Variants in TPD52L1 observed in about 807,000 individuals in gnomAD.
The protein encoded by TPD52L1 is TPD52 like 1.
In TPD52L1, 18 loss-of-function variants were observed where a neutral mutation model predicts 28.7. The ratio of observed to expected loss-of-function variants is 0.63; its 90% CI spans 0.43 to 0.93. The LOEUF is 0.93. Among genes scored for constraint, TPD52L1 ranks in the 40% least tolerant of loss-of-function variants. The pLI is 0.00. For synonymous variants in TPD52L1, 75 were observed against 88.8 expected (o/e 0.84, Z 0.88); for missense variants, 203 against 254.8 (o/e 0.80, Z 1.39).
intron 1 of TPD52L1, among the ~76,000 whole-genome samples, chr6:125,196,153 T>C (rs1793428498): frequency 6.6e-6 from 1 of 152,158 alleles, no homozygotes; most frequent in Admixed American, 6.5e-5. Flanking sequence ...GCCCTTAAAT[T>C]TGGCTCTAAA....
At chr6:125,195,687 G>C (rs146634548) in intron 1 of TPD52L1, among the ~76,000 whole-genome samples, 153 of 152,272 alleles carry the variant, frequency 1.0e-3, no homozygotes, top group Admixed American at 2.4e-3. Flanking sequence ...TAGGGCATCT[G>C]ACCTAGCTGT....
In TPD52L1 at chr6:125,156,463, C is replaced by CAAAAAAAAAAAAAAAAAAAA. The variant is rs758623258; in HGVS notation, c.19+2510_19+2511insAAAAAAAAAAAAAAAAAAAA. 2.1e-4 allele frequency among the ~76,000 whole-genome samples: 8 copies of CAAAAAAAAAAAAAAAAAAAA among 37,214 alleles called. No homozygotes were observed. The East Asian group carries it at 2.4e-3, about 11-fold the overall frequency. The allele number at this position is 37,214 out of a possible 152,430, so 24.4% of individuals were successfully genotyped here. A position where few individuals can be genotyped will look rare whatever the true frequency, so the allele number is the denominator to read the frequency against. On this transcript the variant is annotated intron_variant, in intron 1 of 6. Coordinates refer to ENST00000534000, the MANE Select transcript of TPD52L1 (RefSeq NM_003287.4). ...TCTGGACAAGAGTGAGACCTTGTCT[C>CAAAAAAAAAAAAAAAAAAAA]AAAAAAAAAAAAAAAAAGAGAGAGA... is the stretch of plus-strand genomic sequence containing the variant.
At chr6:125,254,204 AG>A (rs1247286397) in intron 5 of TPD52L1, among the ~76,000 whole-genome samples, 1 of 152,268 alleles carries the variant, frequency 6.6e-6, no homozygotes, top group Non-Finnish European at 1.5e-5. Flanking sequence ...GGATATCATT[AG>A]GATTTTTAAG....
intron 1 of TPD52L1, among the ~76,000 whole-genome samples, chr6:125,184,843 GA>G (rs990220687): frequency 1.1e-3 from 160 of 148,082 alleles, no homozygotes; most frequent in African/African-American, 3.7e-3. Flanking sequence ...TATAAAATAA[GA>G]AAAAAAAATG....
At chr6:125,211,790 T>C (rs1220899093) in intron 1 of TPD52L1, among the ~76,000 whole-genome samples, 5 of 152,206 alleles carry the variant, frequency 3.3e-5, no homozygotes, top group African/African-American at 1.2e-4. Context: ...AAAACACACT[T>C]AAGAGACTTT....
At chr6:125,242,741 A>G (rs1033610443) in intron 3 of TPD52L1, among the ~76,000 whole-genome samples, 3 of 152,024 alleles carry the variant, frequency 2.0e-5, no homozygotes, top group Non-Finnish European at 4.4e-5. Flanking sequence ...TTTTTAATCC[A>G]TTTTGCCATC....
At chr6:125,187,054 T>C (rs905975246) in intron 1 of TPD52L1, among the ~76,000 whole-genome samples, 4 of 152,174 alleles carry the variant, frequency 2.6e-5, no homozygotes, top group Admixed American at 6.5e-5. Flanking sequence ...AAGGATTGCA[T>C]TGCATATACC....
intron 1 of TPD52L1, among the ~76,000 whole-genome samples, chr6:125,164,242 C>A (rs1000652667): frequency 6.6e-6 from 1 of 152,150 alleles, no homozygotes; most frequent in African/African-American, 2.4e-5. Context: ...CAGTTCATTT[C>A]ATATGTGGGC....
intron 1 of TPD52L1, among the ~76,000 whole-genome samples, chr6:125,205,715 T>G (rs903672230): frequency 3.9e-5 from 6 of 152,234 alleles, no homozygotes; most frequent in Non-Finnish European, 5.9e-5. Flanking sequence ...ATCTTTAGTA[T>G]TACATTGAAT....
intron 1 of TPD52L1, among the ~76,000 whole-genome samples, chr6:125,199,525 A>C (rs1031877484): frequency 6.6e-6 from 1 of 152,166 alleles, no homozygotes; most frequent in Non-Finnish European, 1.5e-5. Context: ...ATCTCTACTA[A>C]AAATACAAAA....
At chr6:125,200,028 A>C (rs1793705296) in intron 1 of TPD52L1, among the ~76,000 whole-genome samples, 1 of 152,214 alleles carries the variant, frequency 6.6e-6, no homozygotes, top group Admixed American at 6.5e-5. Flanking sequence ...ACTTCTGAAA[A>C]GCCACCTTTT....
chr6:125,205,851 G>A lies in TPD52L1; in HGVS notation c.20-14227G>A, dbSNP rs150657683. 1.6e-3 allele frequency among the ~76,000 whole-genome samples: 243 copies of A among 152,300 alleles called. 1 individual carries two copies. Among genetic ancestry groups the A allele is most frequent in the African/African-American group, 5.7e-3 (238 of 41,564 alleles). Reference sequence around the variant, plus strand: ...GAGAAAGGGAAGGAAAGAGTTCCATGTATTTGTTGACCTCTATATGTAATA... The same window carrying A: ...GAGAAAGGGAAGGAAAGAGTTCCATATATTTGTTGACCTCTATATGTAATA... On this transcript the variant is annotated intron_variant, in intron 1 of 6. Coordinates refer to ENST00000534000, the MANE Select transcript of TPD52L1 (RefSeq NM_003287.4).
chr6:125,197,348 A>G (rs567804623), intron 1 of TPD52L1, among the ~76,000 whole-genome samples: 11 of 152,346 alleles, frequency 7.2e-5, no homozygotes, highest in African/African-American at 2.6e-4. Context: ...TAATCTGCAC[A>G]TATCCACCAC....
chr6:125,204,101 T>G (rs575703859), intron 1 of TPD52L1, among the ~76,000 whole-genome samples: 1 of 152,328 alleles, frequency 6.6e-6, no homozygotes, highest in Admixed American at 6.5e-5. Context: ...GGAACTAACA[T>G]TCTAGTGTTA....
chr6:125,190,394 A>G (rs1792953873), intron 1 of TPD52L1, among the ~76,000 whole-genome samples: 1 of 152,110 alleles, frequency 6.6e-6, no homozygotes, highest in Admixed American at 6.5e-5. Flanking sequence ...ACGGGAACCC[A>G]TGAGACTCAG....
chr6:125,219,978 G>A (rs766289081), intron 1 of TPD52L1, 100 bp from the exon 2 acceptor site: 2 of 824,290 alleles, frequency 2.4e-6, no homozygotes, highest in South Asian at 2.8e-5. Flanking sequence ...TTTTTGGTGG[G>A]AGGGTCTGTC....
At chr6:125,262,538 C>A in intron 6 of TPD52L1, 1 of 234,480 alleles carries the variant, frequency 4.3e-6, no homozygotes, top group East Asian at 9.9e-5. Context: ...ATAGCTGTTC[C>A]AAGTCCATGG....
At chr6:125,213,019 C>T (rs542561688) in intron 1 of TPD52L1, among the ~76,000 whole-genome samples, 4 of 152,196 alleles carry the variant, frequency 2.6e-5, no homozygotes, top group African/African-American at 7.2e-5. Flanking sequence ...TATTTTATTG[C>T]ATGTAAAAGA....
intron 1 of TPD52L1, among the ~76,000 whole-genome samples, chr6:125,185,793 T>C (rs563236965): frequency 2.0e-5 from 3 of 152,110 alleles, no homozygotes; most frequent in Non-Finnish European, 4.4e-5. Context: ...CTCTGAAACC[T>C]TTCTCTAGAG....
Sources: gnomAD v4.1 joint callset for allele counts (sites outside exome capture counted in the v4.1 genomes callset) on GRCh38, gnomAD v4.1.1 for gene constraint, MANE v1.5 for transcripts, NCBI Gene and HGNC (gene_info 2026-07-23, HGNC 2026-07-21) for gene names.